The following DRC11 variants were observed in gnomAD, a reference collection of about 807,000 sequenced individuals.
DRC11 encodes the protein IQ and AAA domain-containing protein 1.
the DRC11 span, among the ~76,000 whole-genome samples, chr2:236,341,248 T>C: frequency 6.6e-6 from 1 of 152,312 alleles, no homozygotes; most frequent in African/African-American, 2.4e-5. Flanking sequence ...CAAAGGGTAA[T>C]GGGGCAGAAA....
the DRC11 span, among the ~76,000 whole-genome samples, chr2:236,352,347 G>C: frequency 1.3e-5 from 2 of 152,148 alleles, no homozygotes; most frequent in Non-Finnish European, 2.9e-5. The surrounding 1 kb of genome is among the most constrained non-coding windows in gnomAD (Gnocchi z 7.0). Context: ...TGGGGAGGAC[G>C]TGGCGCATGG....
the DRC11 span, among the ~76,000 whole-genome samples, chr2:236,330,253 C>G: frequency 6.6e-6 from 1 of 150,980 alleles, no homozygotes; most frequent in Non-Finnish European, 1.5e-5. The surrounding 1 kb of genome is among the most constrained non-coding windows in gnomAD (Gnocchi z 5.5). Context: ...CCAAATTTGG[C>G]CTGTTGTCTG....
the DRC11 span, among the ~76,000 whole-genome samples, chr2:236,446,168 C>T: frequency 1.3e-5 from 2 of 152,290 alleles, no homozygotes; most frequent in South Asian, 2.1e-4. This position sits in a 1 kb window ranked among gnomAD's most constrained non-coding sequence, Gnocchi z 6.2. Context: ...TGACACATCC[C>T]GACTGAGCCT....
At chr2:236,442,855 G>A in the DRC11 span, among the ~76,000 whole-genome samples, 1 of 152,156 alleles carries the variant, frequency 6.6e-6, no homozygotes, top group African/African-American at 2.4e-5. Context: ...GTTGTTGACG[G>A]TTTGTTCTTC....
At chr2:236,459,509 ATACGTATACATGTATACATG>A in the DRC11 span, among the ~76,000 whole-genome samples, 1 of 105,646 alleles carries the variant, frequency 9.5e-6, no homozygotes, top group African/African-American at 3.5e-5. Context: ...ATGTATACGT[ATACGTATACATGTATACATG>A]TATACGTATA....
chr2:236,370,754 C>A, the DRC11 span, among the ~76,000 whole-genome samples: 3 of 144,744 alleles, frequency 2.1e-5, no homozygotes, highest in Admixed American at 7.1e-5. The surrounding 1 kb of genome is among the most constrained non-coding windows in gnomAD (Gnocchi z 5.5). Context: ...GGGCACAGGG[C>A]CAGTTCTGGA....
chr2:236,488,675 C>T, the DRC11 span, among the ~76,000 whole-genome samples: 4 of 152,148 alleles, frequency 2.6e-5, no homozygotes, highest in African/African-American at 9.7e-5. Context: ...ATATCGAAAT[C>T]ATTTTGGGGG....
chr2:236,461,061 A>G, the DRC11 span, among the ~76,000 whole-genome samples: 1 of 152,072 alleles, frequency 6.6e-6, no homozygotes, highest in East Asian at 1.9e-4. This position sits in a 1 kb window ranked among gnomAD's most constrained non-coding sequence, Gnocchi z 4.0. Context: ...TGGACTGCAA[A>G]CATAGATTTA....
chr2:236,376,684 TG>T, the DRC11 span, among the ~76,000 whole-genome samples: 1 of 152,206 alleles, frequency 6.6e-6, no homozygotes, highest in Non-Finnish European at 1.5e-5. The surrounding 1 kb of genome is among the most constrained non-coding windows in gnomAD (Gnocchi z 5.7). Flanking sequence ...CCAATATTTG[TG>T]TCTCTATTGG....
chr2:236,446,873 C>T, the DRC11 span, among the ~76,000 whole-genome samples: 1 of 147,854 alleles, frequency 6.8e-6, no homozygotes, highest in Non-Finnish European at 1.5e-5. This position sits in a 1 kb window ranked among gnomAD's most constrained non-coding sequence, Gnocchi z 6.2. Flanking sequence ...TCGTCCACCT[C>T]GGACCTGTCT....
At chr2:236,365,496 G>A in the DRC11 span, among the ~76,000 whole-genome samples, 8 of 152,156 alleles carry the variant, frequency 5.3e-5, no homozygotes, top group African/African-American at 1.9e-4. This position sits in a 1 kb window ranked among gnomAD's most constrained non-coding sequence, Gnocchi z 7.4. Flanking sequence ...AAAGGTGGTC[G>A]GGGACTGCAG....
At chr2:236,454,765 C>T in the DRC11 span, 1 of 152,206 alleles carries the variant, frequency 6.6e-6, no homozygotes, top group African/African-American at 2.4e-5. This position sits in a 1 kb window ranked among gnomAD's most constrained non-coding sequence, Gnocchi z 5.3. Context: ...GAGAACAATT[C>T]TGAACTTTCT....
At chr2:236,344,207 T>C in the DRC11 span, among the ~76,000 whole-genome samples, 15 of 152,352 alleles carry the variant, frequency 9.8e-5, no homozygotes, top group East Asian at 2.7e-3. Context: ...CCTTTTGCTA[T>C]TTATTATGAT....
chr2:236,419,243 T>C, the DRC11 span: 1 of 1,543,546 alleles, frequency 6.5e-7, no homozygotes, highest in East Asian at 2.4e-5. The surrounding 1 kb of genome is among the most constrained non-coding windows in gnomAD (Gnocchi z 4.8). Flanking sequence ...TTCTTCTTCC[T>C]CTTGGTTTGC....
the DRC11 span, among the ~76,000 whole-genome samples, chr2:236,353,167 G>A: frequency 1.3e-5 from 2 of 152,184 alleles, no homozygotes; most frequent in Non-Finnish European, 2.9e-5. This position sits in a 1 kb window ranked among gnomAD's most constrained non-coding sequence, Gnocchi z 5.0. Flanking sequence ...TTGAGGTCAC[G>A]GACAATTACA....
At chr2:236,402,022 G>A in the DRC11 span, among the ~76,000 whole-genome samples, 9 of 152,302 alleles carry the variant, frequency 5.9e-5, no homozygotes, top group East Asian at 7.7e-4. The surrounding 1 kb of genome is among the most constrained non-coding windows in gnomAD (Gnocchi z 6.0). Context: ...CACAACCATC[G>A]GAATAAAAGA....
chr2:236,363,538 G>A, the DRC11 span, among the ~76,000 whole-genome samples: 1 of 152,232 alleles, frequency 6.6e-6, no homozygotes, highest in African/African-American at 2.4e-5. The surrounding 1 kb of genome is among the most constrained non-coding windows in gnomAD (Gnocchi z 5.6). Flanking sequence ...AGCATTTCCA[G>A]AAGGGTTCCT....
chr2:236,380,605 T>C, the DRC11 span: 1 of 1,551,630 alleles, frequency 6.4e-7, no homozygotes, highest in Non-Finnish European at 8.7e-7. The surrounding 1 kb of genome is among the most constrained non-coding windows in gnomAD (Gnocchi z 4.9). Context: ...CTTTGCCTTC[T>C]TCTCTTTCTT....
the DRC11 span, chr2:236,377,234 GGCGGTATTTCTGTTAATGATCACATAC>G: frequency 1.7e-6 from 2 of 1,194,236 alleles, no homozygotes; most frequent in Non-Finnish European, 2.5e-6. The surrounding 1 kb of genome is among the most constrained non-coding windows in gnomAD (Gnocchi z 4.9). Context: ...CACAGAAATC[GGCGGTATTTCTGTTAATGATCACATAC>G]GCGGAGAACT....
Sources: gnomAD v4.1 joint callset for allele counts (sites outside exome capture counted in the v4.1 genomes callset) on GRCh38, gnomAD v4.1.1 for gene constraint, Gnocchi (gnomAD v3.1) non-coding constraint, MANE v1.5 for transcripts, NCBI Gene and HGNC (gene_info 2026-07-23, HGNC 2026-07-21) for gene names.